The following SCRG1 variants were observed in gnomAD, a reference collection of about 807,000 sequenced individuals.
SCRG1 encodes stimulator of chondrogenesis 1, also known as scrapie-responsive protein 1.
Under a neutral mutation model 7.7 loss-of-function variants are expected in SCRG1, and 3 were observed. That is an observed-to-expected ratio of 0.39 (90% CI 0.18 to 1.01). The LOEUF (loss-of-function observed/expected upper bound fraction) is 1.01, where lower values mean the gene tolerates loss of function less well. SCRG1 is among the 50% of genes least tolerant of loss of function. The pLI, the probability that SCRG1 is intolerant of heterozygous loss-of-function variation, is 0.36. For synonymous variants in SCRG1, 46 were observed against 41.2 expected (o/e 1.12, Z -0.44); for missense variants, 110 against 117.2 (o/e 0.94, Z 0.28).
At chr4:173,446,335 G>A in the SCRG1 span, among the ~76,000 whole-genome samples, 1 of 152,086 alleles carries the variant, frequency 6.6e-6, no homozygotes, top group East Asian at 1.9e-4. Flanking sequence ...TGGCACTTTA[G>A]CATGAAACAA....
chr4:173,443,943 T>TTG, the SCRG1 span, among the ~76,000 whole-genome samples: 19,808 of 138,546 alleles, frequency 0.14, 1,308 homozygotes, highest in South Asian at 0.19. Context: ...AGAGCTTGTT[T>TTG]TGTGTGTGTG....
chr4:173,455,386 G>T, the SCRG1 span, among the ~76,000 whole-genome samples: 1 of 152,188 alleles, frequency 6.6e-6, no homozygotes, highest in Non-Finnish European at 1.5e-5. Flanking sequence ...GAGAACGCTG[G>T]TGGTGTTTTT....
chr4:173,480,895 G>T, the SCRG1 span, among the ~76,000 whole-genome samples: 1 of 151,934 alleles, frequency 6.6e-6, no homozygotes, highest in African/African-American at 2.4e-5. Flanking sequence ...TGGGTTATGG[G>T]TATGCATTGT....
intron 1 of SCRG1, chr4:173,404,575 G>A (rs4696071): frequency 0.43 from 65,625 of 152,010 alleles, 14,826 homozygotes; most frequent in South Asian, 0.54. Context: ...ATGAGTGAGG[G>A]GATTAGATTC....
chr4:173,418,095 A>T, the SCRG1 span, among the ~76,000 whole-genome samples: 1 of 152,224 alleles, frequency 6.6e-6, no homozygotes, highest in African/African-American at 2.4e-5. Flanking sequence ...ATCCCAAAAA[A>T]TAAAAGATAA....
At chr4:173,457,532 G>T in the SCRG1 span, among the ~76,000 whole-genome samples, 1 of 152,150 alleles carries the variant, frequency 6.6e-6, no homozygotes, top group African/African-American at 2.4e-5. Context: ...CCTGGCTGTT[G>T]TGCAGACAAT....
chr4:173,408,784 G>A (rs1201784445), upstream of SCRG1, among the ~76,000 whole-genome samples: 1 of 151,970 alleles, frequency 6.6e-6, no homozygotes, highest in Non-Finnish European at 1.5e-5. Context: ...ATGAAGTCAG[G>A]AGATTGAGAC....
chr4:173,476,363 A>AAAAAAT, the SCRG1 span, among the ~76,000 whole-genome samples: 2 of 98,504 alleles, frequency 2.0e-5, no homozygotes, highest in East Asian at 3.6e-4. Context: ...GGAAAAAAAA[A>AAAAAAT]ATATATATAT....
At chr4:173,392,685 G>A (rs1192583050) in intron 1 of SCRG1, among the ~76,000 whole-genome samples, 1 of 152,220 alleles carries the variant, frequency 6.6e-6, no homozygotes, top group Non-Finnish European at 1.5e-5. Context: ...GAGGAACCAG[G>A]ATTAGAATCC....
chr4:173,518,840 GC>G, the SCRG1 span, among the ~76,000 whole-genome samples: 30 of 150,456 alleles, frequency 2.0e-4, no homozygotes, highest in African/African-American at 7.3e-4. Flanking sequence ...CTTTGTGTCC[GC>G]CCCCCCGCCC....
chr4:173,425,741 T>TG, the SCRG1 span, among the ~76,000 whole-genome samples: 2 of 152,232 alleles, frequency 1.3e-5, no homozygotes, highest in Admixed American at 6.5e-5. Flanking sequence ...AATTCACTCA[T>TG]GGAAAAATAT....
intron 1 of SCRG1, among the ~76,000 whole-genome samples, chr4:173,405,375 T>C (rs1224543376): frequency 6.6e-6 from 1 of 152,242 alleles, no homozygotes; most frequent in Admixed American, 6.5e-5. Flanking sequence ...TCACTATTGA[T>C]TTAACTTCAA....
At chr4:173,509,082 A>T in the SCRG1 span, among the ~76,000 whole-genome samples, 6 of 152,178 alleles carry the variant, frequency 3.9e-5, no homozygotes, top group African/African-American at 1.4e-4. The surrounding 1 kb of genome is among the most constrained non-coding windows in gnomAD (Gnocchi z 5.7). Flanking sequence ...ACCCCACTGC[A>T]TATTATTCCA....
chr4:173,454,075 C>CG, the SCRG1 span, among the ~76,000 whole-genome samples: 3 of 68,520 alleles, frequency 4.4e-5, no homozygotes, highest in Non-Finnish European at 3.6e-5. Flanking sequence ...GAGACTCCGT[C>CG]TAAAAAAAAA....
At chr4:173,438,282 A>ATTT in the SCRG1 span, among the ~76,000 whole-genome samples, 1 of 147,710 alleles carries the variant, frequency 6.8e-6, no homozygotes. Flanking sequence ...TGCCCAGCTA[A>ATTT]TTTTTTTTTT....
the SCRG1 span, among the ~76,000 whole-genome samples, chr4:173,461,072 A>C: frequency 6.6e-6 from 1 of 152,218 alleles, no homozygotes; most frequent in African/African-American, 2.4e-5. Context: ...TACCAGGTAG[A>C]CTTCTAAGGT....
chr4:173,440,248 T>G, the SCRG1 span, among the ~76,000 whole-genome samples: 1 of 152,212 alleles, frequency 6.6e-6, no homozygotes, highest in Non-Finnish European at 1.5e-5. Flanking sequence ...TTGAAAGGTT[T>G]TTCATTTACT....
chr4:173,406,967 G>C (rs1055023506), upstream of SCRG1, among the ~76,000 whole-genome samples: 3 of 152,136 alleles, frequency 2.0e-5, no homozygotes, highest in Non-Finnish European at 4.4e-5. Context: ...CAGCACTTTG[G>C]GGGGCCGAGA....
the SCRG1 span, chr4:173,469,404 A>T: frequency 6.6e-6 from 1 of 152,174 alleles, no homozygotes; most frequent in Non-Finnish European, 1.5e-5. Flanking sequence ...TCTTTTTAAT[A>T]AAAAATTGAC....
Sources: gnomAD v4.1 joint callset for allele counts (sites outside exome capture counted in the v4.1 genomes callset) on GRCh38, gnomAD v4.1.1 for gene constraint, Gnocchi (gnomAD v3.1) non-coding constraint, MANE v1.5 for transcripts, NCBI Gene and HGNC (gene_info 2026-07-23, HGNC 2026-07-21) for gene names.